SH3GL3: variants seen among roughly 807,000 people sequenced by gnomAD.
SH3GL3 encodes SH3 domain containing GRB2 like 3, endophilin A3.
In SH3GL3, 33 loss-of-function variants were observed where a neutral mutation model predicts 47.7. That is an observed-to-expected ratio of 0.69 (90% CI 0.52 to 0.92). SH3GL3 has a LOEUF of 0.92. Ranked by LOEUF, SH3GL3 falls within the 40% of genes least tolerant of loss-of-function variation. SH3GL3 has a pLI of 0.00. For missense variants in SH3GL3, 363 were observed against 417.8 expected (o/e 0.87, Z 1.14); for synonymous variants, 155 against 148.8 (o/e 1.04, Z -0.30).
At chr15:83,506,833 C>T (rs2042525967) in intron 1 of SH3GL3, among the ~76,000 whole-genome samples, 1 of 152,022 alleles carries the variant, frequency 6.6e-6, no homozygotes, top group Admixed American at 6.6e-5. Context: ...GTTTTCAAAC[C>T]TCCACTCCTT....
chr15:83,588,053 G>A (rs772991217), intron 7 of SH3GL3, among the ~76,000 whole-genome samples: 6 of 152,196 alleles, frequency 3.9e-5, no homozygotes, highest in African/African-American at 7.2e-5. Flanking sequence ...ACTGGGTGCC[G>A]ACCGCGTCCC....
chr15:83,588,928 T>C (rs1353638037), intron 8 of SH3GL3, among the ~76,000 whole-genome samples, 157 bp downstream of exon 8: 1 of 152,196 alleles, frequency 6.6e-6, no homozygotes, highest in African/African-American at 2.4e-5. Context: ...ACGTGCCCCT[T>C]TTTTCTGTTC....
At chr15:83,619,594 G>A (rs1487606407), downstream of SH3GL3, among the ~76,000 whole-genome samples, 1 of 152,286 alleles carries the variant, frequency 6.6e-6, no homozygotes, top group East Asian at 1.9e-4. Flanking sequence ...ACACTATGCT[G>A]TAGTCTATTA....
At chr15:83,603,840 G>A (rs956155344) in intron 8 of SH3GL3, among the ~76,000 whole-genome samples, 1 of 152,136 alleles carries the variant, frequency 6.6e-6, no homozygotes, top group Non-Finnish European at 1.5e-5. Flanking sequence ...AATCTAACAG[G>A]TCACTGGGTT....
At chr15:83,620,870 T>G (rs2060913955), downstream of SH3GL3, among the ~76,000 whole-genome samples, 1 of 152,238 alleles carries the variant, frequency 6.6e-6, no homozygotes, top group Non-Finnish European at 1.5e-5. Context: ...TAGTTTACAT[T>G]GAAAATCTGT....
At position 83,481,035 on chromosome 15, in the gene SH3GL3, G is replaced by A. The variant is rs1421666481; in HGVS notation, c.45+33457G>A. ...TCACACCTGTAATCCCAGCACTTTG[G>A]GAGGCCGAGGCGGGCGGATCACCTG... On this transcript the variant is annotated intron_variant, in intron 1 of 8. Transcript: ENST00000427482. Among the ~76,000 whole-genome samples the A allele has an allele frequency of 3.3e-5, 5 of 152,212 alleles. No individual in the cohort carries two copies. The South Asian group carries it at 1.0e-3, about 32-fold the overall frequency.
Position 83,513,454 on chromosome 15 carries a change from G to T in SH3GL3, c.46-45799G>T, listed in dbSNP as rs566093291. On this transcript the variant is annotated intron_variant, in intron 1 of 8. Transcript: ENST00000427482. ...GATGTGTCACCCTCTGTCCCTAGAC[G>T]TGCTGGACATCTGCATCCTGTGGTG... Among the ~76,000 whole-genome samples, 4 of 152,182 alleles carry T rather than the reference G, an allele frequency of 2.6e-5. No individual in the cohort carries two copies. In the East Asian group the frequency reaches 5.8e-4, roughly 22 times the overall value.
chr15:83,573,047 T>G (rs988205207), intron 5 of SH3GL3, among the ~76,000 whole-genome samples: 2 of 152,236 alleles, frequency 1.3e-5, no homozygotes, highest in Admixed American at 6.5e-5. Context: ...TTGCATGTTT[T>G]GATGCGTTGC....
At chr15:83,557,388 T>C (rs74024513) in intron 1 of SH3GL3, among the ~76,000 whole-genome samples, 4,703 of 152,314 alleles carry the variant, frequency 0.031, 173 homozygotes, top group African/African-American at 0.086. Flanking sequence ...AGTTATGCCT[T>C]GTATCAAGAC....
At chr15:83,547,355 C>G (rs1236154266) in intron 1 of SH3GL3, among the ~76,000 whole-genome samples, 1 of 152,212 alleles carries the variant, frequency 6.6e-6, no homozygotes, top group Non-Finnish European at 1.5e-5. Context: ...CAGGGCAGCA[C>G]TGAGTTCCAA....
intron 8 of SH3GL3, among the ~76,000 whole-genome samples, chr15:83,604,572 C>T (rs191761846): frequency 1.6e-4 from 25 of 152,262 alleles, no homozygotes; most frequent in Admixed American, 1.0e-3. Context: ...TAACTCATTT[C>T]ATCCTCATAA....
intron 1 of SH3GL3, among the ~76,000 whole-genome samples, chr15:83,505,577 G>C (rs1274639099): frequency 1.3e-5 from 2 of 148,940 alleles, no homozygotes; most frequent in Admixed American, 1.3e-4. Flanking sequence ...ATCCAGGCTG[G>C]GGTGCAGTGA....
At chr15:83,467,820 C>A (rs980894305) in intron 1 of SH3GL3, among the ~76,000 whole-genome samples, 16 of 151,802 alleles carry the variant, frequency 1.1e-4, no homozygotes, top group African/African-American at 2.4e-5. Flanking sequence ...ATTGTATTTT[C>A]TTTTCTTTTT....
At chr15:83,602,065 C>T (rs2060399201) in intron 8 of SH3GL3, among the ~76,000 whole-genome samples, 1 of 152,112 alleles carries the variant, frequency 6.6e-6, no homozygotes, top group Admixed American at 6.5e-5. Flanking sequence ...CATAGAGTCT[C>T]TCAGGGGTCT....
intron 6 of SH3GL3, among the ~76,000 whole-genome samples, chr15:83,583,613 G>C (rs539795955): frequency 6.6e-6 from 1 of 152,254 alleles, no homozygotes; most frequent in South Asian, 2.1e-4. Context: ...CCAGGACTAA[G>C]ATACTCCCAA....
intron 2 of SH3GL3, among the ~76,000 whole-genome samples, chr15:83,560,769 T>C (rs1325008729): frequency 6.6e-6 from 1 of 152,156 alleles, no homozygotes; most frequent in African/African-American, 2.4e-5. Flanking sequence ...ACCTAATAAA[T>C]GATACAGAAA....
intron 1 of SH3GL3, among the ~76,000 whole-genome samples, chr15:83,537,338 G>A (rs1484732580): frequency 6.6e-6 from 1 of 152,188 alleles, no homozygotes; most frequent in African/African-American, 2.4e-5. Flanking sequence ...TGCCCCAGTT[G>A]CCTGTTGCTT....
At chr15:83,462,196 C>T (rs954377827) in intron 1 of SH3GL3, among the ~76,000 whole-genome samples, 3 of 152,212 alleles carry the variant, frequency 2.0e-5, no homozygotes, top group Non-Finnish European at 2.9e-5. Context: ...CCGCCTGATG[C>T]CATAGTCAGA....
intron 5 of SH3GL3, among the ~76,000 whole-genome samples, chr15:83,573,803 C>T (rs1388255711): frequency 6.6e-6 from 1 of 152,196 alleles, no homozygotes; most frequent in East Asian, 1.9e-4. Flanking sequence ...CTGCTCTGCC[C>T]TGCTACAGTG....
Sources: allele counts gnomAD v4.1 joint callset (sites outside exome capture counted in the v4.1 genomes callset), GRCh38; gene constraint gnomAD v4.1.1; transcripts MANE v1.5; gene names NCBI Gene and HGNC (gene_info 2026-07-23, HGNC 2026-07-21).